VPS41: variants seen among roughly 807,000 people sequenced by gnomAD.
The protein encoded by VPS41 is VPS41 subunit of HOPS complex, also known as vacuolar protein sorting-associated protein 41 homolog.
VPS41 carries 85 observed loss-of-function variants against 130.9 expected under a neutral mutation model. That is an observed-to-expected ratio of 0.65 (90% CI 0.55 to 0.78). The LOEUF (loss-of-function observed/expected upper bound fraction) is 0.78, where lower values mean the gene tolerates loss of function less well. VPS41 is among the 30% of genes least tolerant of loss of function. The pLI is 0.00. For missense variants in VPS41, 874 were observed against 1,018.7 expected (o/e 0.86, Z 1.93); for synonymous variants, 335 against 332.9 (o/e 1.01, Z -0.07).
intron 1 of VPS41, 83 bp from the exon 2 acceptor site, chr7:38,898,212 T>C: frequency 8.4e-7 from 1 of 1,191,360 alleles, no homozygotes; most frequent in Non-Finnish European, 1.2e-6. Flanking sequence ...CTCATGTTCC[T>C]ACTACCACGC....
chr7:38,752,078 C>T (rs922239270), intron 22 of VPS41, 98 bp downstream of exon 22: 4 of 1,518,806 alleles, frequency 2.6e-6, no homozygotes, highest in South Asian at 2.5e-5. Flanking sequence ...TGGAAAGGGA[C>T]AGATGAACAG....
chr7:38,900,155 T>C (rs1044685346), intron 1 of VPS41, among the ~76,000 whole-genome samples: 2 of 152,106 alleles, frequency 1.3e-5, no homozygotes, highest in African/African-American at 2.4e-5. Flanking sequence ...GGAGGACCAC[T>C]TGAACCCGGA....
At chr7:38,908,740 C>T (rs1787322601) in intron 1 of VPS41, among the ~76,000 whole-genome samples, 1 of 152,206 alleles carries the variant, frequency 6.6e-6, no homozygotes, top group Non-Finnish European at 1.5e-5. Context: ...AGATACAAAA[C>T]AAAACTCATC....
chr7:38,741,876 C>G, intron 25 of VPS41, 109 bp downstream of exon 25: 1 of 1,262,836 alleles, frequency 7.9e-7, no homozygotes, highest in Admixed American at 2.4e-5. Context: ...TAAAATGTAA[C>G]CATAAAATCG....
chr7:38,854,104 A>G (rs916493831), intron 4 of VPS41, among the ~76,000 whole-genome samples: 3 of 152,230 alleles, frequency 2.0e-5, no homozygotes, highest in Admixed American at 1.3e-4. Flanking sequence ...GTAATTTTCA[A>G]TTCCTTTGAC....
chr7:38,790,864 T>C (rs2115951285), intron 9 of VPS41, among the ~76,000 whole-genome samples: 1 of 152,324 alleles, frequency 6.6e-6, no homozygotes, highest in East Asian at 1.9e-4. Flanking sequence ...TTGTAAGCAA[T>C]AGTGCAATCA....
intron 2 of VPS41, among the ~76,000 whole-genome samples, chr7:38,890,113 A>G (rs891885999): frequency 1.3e-5 from 2 of 152,220 alleles, no homozygotes; most frequent in Non-Finnish European, 2.9e-5. Context: ...ATGTTCAAGT[A>G]ACGCACAGGA....
intron 25 of VPS41, among the ~76,000 whole-genome samples, chr7:38,738,736 G>A (rs986658752): frequency 8.5e-5 from 13 of 152,102 alleles, no homozygotes; most frequent in African/African-American, 3.1e-4. Flanking sequence ...AGCTTATGAA[G>A]TGCAATACAT....
intron 2 of VPS41, among the ~76,000 whole-genome samples, chr7:38,880,852 G>T (rs978785423): frequency 6.6e-6 from 1 of 152,136 alleles, no homozygotes; most frequent in African/African-American, 2.4e-5. Context: ...CAAGTGAAAT[G>T]ATCATTTAAA....
chr7:38,756,198 T>C (rs1439259625), intron 19 of VPS41, among the ~76,000 whole-genome samples: 1 of 144,884 alleles, frequency 6.9e-6, no homozygotes, highest in Non-Finnish European at 1.5e-5. Context: ...TGAGCACTTG[T>C]AATTAGATTT....
At chr7:38,846,147 A>T (rs1037802650) in intron 4 of VPS41, among the ~76,000 whole-genome samples, 11 of 152,176 alleles carry the variant, frequency 7.2e-5, no homozygotes, top group South Asian at 2.1e-4. Flanking sequence ...AGAGAATTTA[A>T]AAAAAATGGC....
chr7:38,767,310 C>T (rs1784065257), intron 15 of VPS41, among the ~76,000 whole-genome samples: 1 of 152,090 alleles, frequency 6.6e-6, no homozygotes, highest in South Asian at 2.1e-4. Flanking sequence ...AAAAATTCTC[C>T]TTCGGTAAAA....
At chr7:38,861,506 A>T (rs992268657) in intron 4 of VPS41, among the ~76,000 whole-genome samples, 1 of 152,196 alleles carries the variant, frequency 6.6e-6, no homozygotes, top group African/African-American at 2.4e-5. Context: ...ATGCATGAGT[A>T]TGATTAGAGC....
chr7:38,800,256 A>G (rs1784700031), intron 7 of VPS41, among the ~76,000 whole-genome samples: 1 of 152,250 alleles, frequency 6.6e-6, no homozygotes, highest in South Asian at 2.1e-4. Context: ...GGCATATTAA[A>G]TAAAAAAGCA....
chr7:38,789,426 G>A (rs978480849), intron 10 of VPS41, among the ~76,000 whole-genome samples: 35 of 152,076 alleles, frequency 2.3e-4, no homozygotes, highest in Non-Finnish European at 2.9e-5. Context: ...TACTGTGCTA[G>A]ACAAGGGGAA....
At chr7:38,795,731 T>C (rs938477819) in intron 8 of VPS41, 120 bp from the exon 9 acceptor site, 7 of 894,218 alleles carry the variant, frequency 7.8e-6, no homozygotes, top group South Asian at 4.6e-5. Context: ...CAGTGTTTAC[T>C]GAGCATGCAA....
intron 3 of VPS41, among the ~76,000 whole-genome samples, chr7:38,868,325 T>C (rs951607166): frequency 6.6e-6 from 1 of 152,198 alleles, no homozygotes; most frequent in Non-Finnish European, 1.5e-5. Context: ...TACATTCTAA[T>C]AAAGTGTTGG....
chr7:38,835,004 C>A (rs545857941), intron 4 of VPS41, among the ~76,000 whole-genome samples: 1 of 151,850 alleles, frequency 6.6e-6, no homozygotes, highest in African/African-American at 2.4e-5. Flanking sequence ...ATTTACTATA[C>A]GGTCATTATA....
chr7:38,907,303 T>C (rs1001272160), intron 1 of VPS41, among the ~76,000 whole-genome samples: 2 of 152,188 alleles, frequency 1.3e-5, no homozygotes, highest in Admixed American at 6.5e-5. Context: ...GCCTGGCTTT[T>C]TGAAGACTAA....
Sources: gnomAD v4.1 joint callset for allele counts (sites outside exome capture counted in the v4.1 genomes callset) on GRCh38, gnomAD v4.1.1 for gene constraint, MANE v1.5 for transcripts, NCBI Gene and HGNC (gene_info 2026-07-23, HGNC 2026-07-21) for gene names.